The following UNC5D variants were observed in gnomAD, a reference collection of about 807,000 sequenced individuals.
UNC5D encodes unc-5 netrin receptor D.
A neutral mutation model predicts 105.4 loss-of-function variants in UNC5D; 39 were observed. The observed-to-expected ratio is 0.37, with a 90% CI of 0.29 to 0.48. The LOEUF (loss-of-function observed/expected upper bound fraction) is 0.48, where lower values mean the gene tolerates loss of function less well. Among genes scored for constraint, UNC5D ranks in the 20% least tolerant of loss-of-function variants. The pLI is 0.98. For missense variants in UNC5D, 991 were observed against 1,202.4 expected (o/e 0.82, Z 2.60); for synonymous variants, 452 against 450.4 (o/e 1.00, Z -0.04).
Position 35,750,743 on chromosome 8 carries a change from G to A in UNC5D, c.2097G>A (p.Met699Ile). The change falls in exon 13 of 17, where the codon ATG becomes ATA. Residue 699 changes from methionine to isoleucine, a missense_variant. Around this residue, in one of 3 missense-constraint regions of UNC5D, gnomAD observed 944 missense variants for 1,131.6 expected, o/e 0.83. Transcript: ENST00000404895. ...KQLKVAVFGCMSCNSLDYNLR... is the reference protein window; with the variant it reads ...KQLKVAVFGCISCNSLDYNLR... ...TGAAGGTGGCGGTTTTTGGCTGCAT[G>A]TCCTGTAACTCCCTGGATTACAACT... The A allele has an allele frequency of 1.2e-6, 2 of 1,614,164 alleles. No individual in the cohort carries two copies. The highest frequency in any genetic ancestry group is 1.7e-6 in the Non-Finnish European group (2 of 1,180,016).
intron 1 of UNC5D, among the ~76,000 whole-genome samples, chr8:35,471,656 T>C (rs1345796482): frequency 6.6e-6 from 1 of 152,202 alleles, no homozygotes; most frequent in East Asian, 1.9e-4. Flanking sequence ...TTTCTTTGTT[T>C]TTCCTCCTTC....
intron 3 of UNC5D, among the ~76,000 whole-genome samples, chr8:35,580,317 T>A (rs1818395210): frequency 6.6e-6 from 1 of 152,042 alleles, no homozygotes; most frequent in Non-Finnish European, 1.5e-5. Context: ...AAGTAGGTGG[T>A]AGTTAGGTGA....
intron 1 of UNC5D, among the ~76,000 whole-genome samples, chr8:35,251,835 G>A: frequency 6.6e-6 from 1 of 152,108 alleles, no homozygotes; most frequent in Admixed American, 6.6e-5. Context: ...TCTGAAGGAT[G>A]TAGGCCTGGT....
chr8:35,345,025 C>A (rs1434482619), intron 1 of UNC5D, among the ~76,000 whole-genome samples: 2 of 151,810 alleles, frequency 1.3e-5, no homozygotes, highest in African/African-American at 4.8e-5. Flanking sequence ...GTAGTAAATG[C>A]CAAAAGGATT....
chr8:35,566,223 G>A (rs1462641856), intron 2 of UNC5D, among the ~76,000 whole-genome samples: 1 of 148,260 alleles, frequency 6.7e-6, no homozygotes, highest in Non-Finnish European at 1.5e-5. Flanking sequence ...TGCACATGGT[G>A]ACTTATGTGG....
chr8:35,439,846 T>C (rs75010618), intron 1 of UNC5D, among the ~76,000 whole-genome samples: 2,222 of 152,154 alleles, frequency 0.015, 64 homozygotes, highest in African/African-American at 0.051. Flanking sequence ...TCCTGTGCTA[T>C]GTGTCTATAC....
At chr8:35,726,056 C>A in intron 9 of UNC5D, 96 bp from the exon 10 acceptor site, 4 of 1,477,446 alleles carry the variant, frequency 2.7e-6, no homozygotes. Context: ...CTGCTGGCAC[C>A]TATGCAGGCT....
intron 4 of UNC5D, among the ~76,000 whole-genome samples, chr8:35,625,706 CACTT>C (rs928749264): frequency 4.0e-4 from 61 of 152,184 alleles, no homozygotes; most frequent in African/African-American, 1.4e-3. Flanking sequence ...GCATTTTACA[CACTT>C]AGTTATAGAT....
chr8:35,640,338 C>T (rs1043178617), intron 4 of UNC5D, among the ~76,000 whole-genome samples: 1 of 152,130 alleles, frequency 6.6e-6, no homozygotes, highest in African/African-American at 2.4e-5. Flanking sequence ...TTCATCCACT[C>T]AGGATTGTGG....
intron 1 of UNC5D, among the ~76,000 whole-genome samples, chr8:35,398,482 A>G (rs978962177): frequency 2.0e-5 from 3 of 152,094 alleles, no homozygotes; most frequent in Admixed American, 1.3e-4. Flanking sequence ...CTTTATAAAT[A>G]GCCCCTTAAT....
intron 1 of UNC5D, among the ~76,000 whole-genome samples, chr8:35,488,330 G>A (rs780563944): frequency 1.2e-4 from 18 of 152,196 alleles, no homozygotes; most frequent in Non-Finnish European, 2.2e-4. Context: ...GGATTCTAAA[G>A]GATGGGACAA....
chr8:35,419,930 T>G (rs1055917268), intron 1 of UNC5D, among the ~76,000 whole-genome samples: 6 of 151,990 alleles, frequency 3.9e-5, no homozygotes, highest in African/African-American at 1.4e-4. Flanking sequence ...GCCCTCTGTG[T>G]GTGGGGTGGG....
intron 1 of UNC5D, among the ~76,000 whole-genome samples, chr8:35,303,990 A>G (rs1418408393): frequency 6.6e-6 from 1 of 152,108 alleles, no homozygotes; most frequent in East Asian, 1.9e-4. Flanking sequence ...ATGTTAAAAA[A>G]ACAAAGGCTA....
chr8:35,325,065 C>G (rs1810044007), intron 1 of UNC5D, among the ~76,000 whole-genome samples: 1 of 152,044 alleles, frequency 6.6e-6, no homozygotes, highest in African/African-American at 2.4e-5. Flanking sequence ...TGCTCTCAGC[C>G]AACAAAAAAC....
chr8:35,599,142 CAAAAAAAAAAAA>C (rs34511041), intron 4 of UNC5D, among the ~76,000 whole-genome samples: 1 of 38,642 alleles, frequency 2.6e-5, no homozygotes, highest in Non-Finnish European at 4.8e-5. Context: ...GACTCTGTCT[CAAAAAAAAAAAA>C]AAAAAAAAAA....
chr8:35,777,451 C>T (rs1802302086), intron 16 of UNC5D, among the ~76,000 whole-genome samples: 2 of 152,188 alleles, frequency 1.3e-5, no homozygotes, highest in Admixed American at 1.3e-4. Flanking sequence ...ATACAGTTAA[C>T]ATATCAATTT....
At chr8:35,763,988 T>C (rs1801658691) in intron 14 of UNC5D, among the ~76,000 whole-genome samples, 1 of 152,170 alleles carries the variant, frequency 6.6e-6, no homozygotes, top group Non-Finnish European at 1.5e-5. Context: ...ACCATAATGC[T>C]ATTTCCTGAA....
chr8:35,442,605 TA>T (rs1333831694), intron 1 of UNC5D, among the ~76,000 whole-genome samples: 2 of 151,930 alleles, frequency 1.3e-5, no homozygotes, highest in African/African-American at 4.8e-5. Flanking sequence ...GTTGATAGAA[TA>T]GTTTGTTTAG....
chr8:35,601,732 AT>A (rs1250273997), intron 4 of UNC5D, among the ~76,000 whole-genome samples: 1 of 152,188 alleles, frequency 6.6e-6, no homozygotes, highest in African/African-American at 2.4e-5. Context: ...ATATACAGTC[AT>A]GTCATCTGCA....
Sources: gnomAD v4.1 joint callset for allele counts (sites outside exome capture counted in the v4.1 genomes callset) on GRCh38, gnomAD v4.1.1 for gene constraint, gnomAD v4.1.1 regional missense constraint, MANE v1.5 for transcripts, NCBI Gene and HGNC (gene_info 2026-07-23, HGNC 2026-07-21) for gene names.